The following SGMS2 variants were observed in gnomAD, a reference collection of about 807,000 sequenced individuals.
SGMS2 encodes the protein sphingomyelin synthase 2, also known as phosphatidylcholine:ceramide cholinephosphotransferase 2.
SGMS2 carries 21 observed loss-of-function variants against 43.8 expected under a neutral mutation model. That is an observed-to-expected ratio of 0.48 (90% CI 0.34 to 0.69). The LOEUF (loss-of-function observed/expected upper bound fraction) is 0.69, where lower values mean the gene tolerates loss of function less well. SGMS2 is among the 30% of genes least tolerant of loss of function. SGMS2 has a pLI of 0.01. For synonymous variants in SGMS2, 167 were observed against 160.6 expected, an observed-to-expected ratio of 1.04 and a Z score of -0.30; for missense variants, 384 against 443.2, an observed-to-expected ratio of 0.87 and a Z score of 1.20.
chr4:107,832,236 A>G (rs532372690), intron 1 of SGMS2, among the ~76,000 whole-genome samples: 1 of 152,274 alleles, frequency 6.6e-6, no homozygotes, highest in South Asian at 2.1e-4. Context: ...AATGTCATTG[A>G]ATATATTTAC....
chr4:107,894,259 C>T (rs1042145379), intron 2 of SGMS2: 1 of 152,102 alleles, frequency 6.6e-6, no homozygotes, highest in African/African-American at 2.4e-5. Context: ...AGCAGTGTAT[C>T]CAGGGAGAGG....
At chr4:107,855,363 T>G (rs1411110600) in intron 1 of SGMS2, among the ~76,000 whole-genome samples, 2 of 152,232 alleles carry the variant, frequency 1.3e-5, no homozygotes, top group Non-Finnish European at 2.9e-5. Context: ...GCTTTTGCTG[T>G]ATCTGATAGG....
Position 107,896,498 on chromosome 4 carries a change from T to C in SGMS2, c.455+490T>C, listed in dbSNP as rs376436372. Among the ~76,000 whole-genome samples, 34 of 152,332 alleles carry C rather than the reference T, an allele frequency of 2.2e-4. 1 individual carries two copies. In the South Asian group the frequency reaches 2.7e-3, roughly 12 times the overall value. On this transcript the variant is annotated intron_variant, in intron 3 of 6. Transcript: ENST00000690982. ...TTGCCTAGATTCAATTCTCAAATTTTACATTTCTGTGGGGCTGGGTGTGTG... is the reference window on the plus strand; with the variant it reads ...TTGCCTAGATTCAATTCTCAAATTTCACATTTCTGTGGGGCTGGGTGTGTG...
chr4:107,855,055 G>T (rs892465152), intron 1 of SGMS2, among the ~76,000 whole-genome samples: 1 of 152,046 alleles, frequency 6.6e-6, no homozygotes, highest in African/African-American at 2.4e-5. Flanking sequence ...AGCCAAATAT[G>T]CAGTACAGTT....
At chr4:107,910,216 C>A (rs1732000794) in intron 6 of SGMS2, 134 bp from the exon 7 acceptor site, 1 of 737,498 alleles carries the variant, frequency 1.4e-6, no homozygotes, top group Non-Finnish European at 2.2e-6. Flanking sequence ...AGGGAAAGGA[C>A]ATGAAAATCA....
intron 1 of SGMS2, among the ~76,000 whole-genome samples, chr4:107,842,685 T>A (rs569650104): frequency 6.6e-6 from 1 of 152,298 alleles, no homozygotes; most frequent in African/African-American, 2.4e-5. Flanking sequence ...TCAAAGAATT[T>A]TTGAGGCAGG....
rs185066250 is a variant in SGMS2 at position 107,880,586 on chromosome 4, T to G, written c.-244-14724T>G. Among the ~76,000 whole-genome samples, 165 of 152,236 alleles carry G rather than the reference T, an allele frequency of 1.1e-3. 1 individual carries two copies. The highest frequency in any genetic ancestry group is 3.9e-3 in the African/African-American group (161 of 41,538). ...ATAAGAAAAAGCTGGCCGGGTGCGA[T>G]GGCTCACACCTATAATCGCAGCACT... On this transcript the variant is annotated intron_variant, in intron 2 of 6. Coordinates refer to ENST00000690982, the MANE Select transcript of SGMS2 (RefSeq NM_001375905.1).
At chr4:107,865,614 C>A (rs1469693530) in intron 2 of SGMS2, among the ~76,000 whole-genome samples, 1 of 152,158 alleles carries the variant, frequency 6.6e-6, no homozygotes, top group South Asian at 2.1e-4. Context: ...TCTGAGCTCA[C>A]CCAATAACTT....
At chr4:107,838,303 G>T (rs989325674) in intron 1 of SGMS2, among the ~76,000 whole-genome samples, 3 of 152,170 alleles carry the variant, frequency 2.0e-5, no homozygotes, top group African/African-American at 7.2e-5. Flanking sequence ...GAGGATACTT[G>T]AGATCTTGTT....
At position 107,908,652 on chromosome 4, in the gene SGMS2, A is replaced by G; in HGVS notation, c.815A>G (p.His272Arg). 1.2e-6 allele frequency: 2 copies of G among 1,613,906 alleles called. No individual in the cohort carries two copies. The highest frequency in any genetic ancestry group is 1.7e-6 in the Non-Finnish European group (2 of 1,179,820). Residue 272 changes from histidine (H) to arginine (R), a missense_variant, in exon 6 of 7, where the codon CAC becomes CGC. By Grantham distance (29) the His-to-Arg change is conservative. Transcript: ENST00000690982. ...ATCTGCATTCTTGTAGCACACGAAC[A>G]CTACACTATCGATGTGATCATTGCT... ...GIICILVAHE[H>R]YTIDVIIAYY...
intron 2 of SGMS2, among the ~76,000 whole-genome samples, chr4:107,885,285 G>T (rs1290086602): frequency 6.6e-6 from 1 of 151,660 alleles, no homozygotes; most frequent in Non-Finnish European, 1.5e-5. Flanking sequence ...TTTAAAATTA[G>T]AAAATGATTG....
rs1298328607 is a variant in SGMS2, at chr4:107,895,538, T to C, written c.-16T>C. 3 of 1,589,820 alleles carry C rather than the reference T, an allele frequency of 1.9e-6. No homozygotes were observed. Among genetic ancestry groups the C allele is most frequent in the Non-Finnish European group, 2.6e-6 (3 of 1,168,342 alleles). On this transcript the variant is annotated 5_prime_UTR_variant, in exon 3 of 7. Coordinates refer to ENST00000690982, the MANE Select transcript of SGMS2 (RefSeq NM_001375905.1). The stretch of plus-strand genomic sequence containing the variant: ...GAACTTGACCATCTCCTTTTTGATC[T>C]GAAGACTAGGGGACAATGGATATCA...
At chr4:107,892,603 A>G (rs370587897) in intron 2 of SGMS2, among the ~76,000 whole-genome samples, 1 of 152,136 alleles carries the variant, frequency 6.6e-6, no homozygotes, top group African/African-American at 2.4e-5. Flanking sequence ...GGTTTCATAC[A>G]TTTTAGGGGG....
chr4:107,841,531 C>A (rs1726502808), intron 1 of SGMS2, among the ~76,000 whole-genome samples: 1 of 151,992 alleles, frequency 6.6e-6, no homozygotes, highest in Admixed American at 6.6e-5. Flanking sequence ...GTCCTTGGAT[C>A]TTCAGTTGAA....
At chr4:107,853,944 C>G (rs1727287490) in intron 1 of SGMS2, among the ~76,000 whole-genome samples, 1 of 152,222 alleles carries the variant, frequency 6.6e-6, no homozygotes, top group South Asian at 2.1e-4. Context: ...ATCTCTTGCT[C>G]TCCTTCCTTG....
chr4:107,866,531 A>C (rs1035586373), intron 2 of SGMS2, among the ~76,000 whole-genome samples: 1 of 151,694 alleles, frequency 6.6e-6, no homozygotes, highest in African/African-American at 2.4e-5. Context: ...GCGCCATTGC[A>C]CTCCAGCCTG....
At chr4:107,870,330 G>C (rs1179629102) in intron 2 of SGMS2, among the ~76,000 whole-genome samples, 3 of 152,122 alleles carry the variant, frequency 2.0e-5, no homozygotes, top group African/African-American at 4.8e-5. Context: ...GTGATTTTCA[G>C]GTGAGCAGGG....
At chr4:107,838,422 ACTTCTT>A (rs3079219) in intron 1 of SGMS2, among the ~76,000 whole-genome samples, 21 of 151,772 alleles carry the variant, frequency 1.4e-4, no homozygotes, top group South Asian at 4.2e-4. Flanking sequence ...GGGCTAGAGG[ACTTCTT>A]CTTCTTCTTC....
chr4:107,846,429 A>G (rs1053567579), intron 1 of SGMS2, among the ~76,000 whole-genome samples: 2 of 151,154 alleles, frequency 1.3e-5, no homozygotes, highest in African/African-American at 4.9e-5. Flanking sequence ...ATGTCCCTAC[A>G]AAGGACATGA....
Sources: allele counts gnomAD v4.1 joint callset (sites outside exome capture counted in the v4.1 genomes callset), GRCh38; gene constraint gnomAD v4.1.1; transcripts MANE v1.5; gene names NCBI Gene and HGNC (gene_info 2026-07-23, HGNC 2026-07-21).